YBEY: variants seen among roughly 807,000 people sequenced by gnomAD.
The protein encoded by YBEY is ybeY metalloendoribonuclease, also known as endoribonuclease YbeY.
A neutral mutation model predicts 13.5 loss-of-function variants in YBEY; 15 were observed. The observed-to-expected ratio is 1.11, with a 90% CI of 0.75 to 1.72. YBEY has a LOEUF of 1.72. YBEY is among the 40% of genes most tolerant of loss of function. The pLI, the probability that YBEY is intolerant of heterozygous loss-of-function variation, is 0.00. For missense variants in YBEY, 244 were observed against 208.4 expected (o/e 1.17, Z -1.05); for synonymous variants, 101 against 83.1 (o/e 1.21, Z -1.17).
chr21:46,311,599 T>C, the YBEY span: 1 of 1,379,014 alleles, frequency 7.3e-7, no homozygotes. Flanking sequence ...GCTATCTGCA[T>C]ATGTCCTTGA....
chr21:46,287,169 G>A, intron 2 of YBEY, 46 bp downstream of exon 2: 1 of 1,517,168 alleles, frequency 6.6e-7, no homozygotes, highest in South Asian at 1.2e-5. Flanking sequence ...TCTTCCCAGA[G>A]TAAATTTCCT....
At chr21:46,286,832 C>T in intron 1 of YBEY, 38 bp from the exon 2 acceptor site, 1 of 1,297,050 alleles carries the variant, frequency 7.7e-7, no homozygotes, top group Non-Finnish European at 1.1e-6. Flanking sequence ...CGTATTATCA[C>T]TTGTACTGAT....
the YBEY span, among the ~76,000 whole-genome samples, chr21:46,305,673 C>T: frequency 1.1e-4 from 17 of 152,146 alleles, no homozygotes; most frequent in African/African-American, 4.1e-4. Flanking sequence ...GGCGCGGTGG[C>T]TCACGCCTGT....
intron 3 of YBEY, among the ~76,000 whole-genome samples, chr21:46,294,694 T>A (rs139751504): frequency 6.0e-5 from 9 of 149,868 alleles, no homozygotes; most frequent in South Asian, 2.1e-4. Flanking sequence ...CTCAGTGGAG[T>A]CAGCCACCCC....
downstream of YBEY, chr21:46,301,522 C>T (rs1336809644): frequency 5.1e-6 from 5 of 985,538 alleles, no homozygotes; most frequent in Non-Finnish European, 6.0e-6. Context: ...TGGTATTTTC[C>T]CCATCAGGAT....
chr21:46,308,114 C>T, the YBEY span, among the ~76,000 whole-genome samples: 3 of 151,972 alleles, frequency 2.0e-5, no homozygotes, highest in Admixed American at 6.5e-5. Context: ...CTACCTCAGC[C>T]TCCCGAGCAG....
the YBEY span, among the ~76,000 whole-genome samples, chr21:46,309,844 A>C: frequency 6.6e-6 from 1 of 151,844 alleles, no homozygotes. Flanking sequence ...AAAATACAAA[A>C]AATTAGCAGG....
the YBEY span, among the ~76,000 whole-genome samples, chr21:46,303,705 C>T: frequency 2.7e-5 from 1 of 37,594 alleles, no homozygotes; most frequent in Non-Finnish European, 4.8e-5. Flanking sequence ...CACACACACA[C>T]AAAATATATA....
chr21:46,303,710 T>A, the YBEY span, among the ~76,000 whole-genome samples: 1 of 36,100 alleles, frequency 2.8e-5, no homozygotes, highest in African/African-American at 1.2e-4. Flanking sequence ...ACACACAAAA[T>A]ATATATATAT....
At chr21:46,301,044 A>G (rs999132786), downstream of YBEY, 3 of 1,024,710 alleles carry the variant, frequency 2.9e-6, no homozygotes, top group Non-Finnish European at 3.6e-6. Context: ...TGTGCAAACC[A>G]GCATGTAGAG....
chr21:46,296,001 G>A (rs2081941420), intron 3 of YBEY, among the ~76,000 whole-genome samples, 161 bp from the exon 4 acceptor site: 1 of 152,192 alleles, frequency 6.6e-6, no homozygotes, highest in South Asian at 2.1e-4. Flanking sequence ...TAGATGGAAG[G>A]GAACTGAAGC....
At chr21:46,291,631 A>G (rs2081716630) in intron 3 of YBEY, 169 bp downstream of exon 3, 6 of 1,417,422 alleles carry the variant, frequency 4.2e-6, no homozygotes, top group African/African-American at 1.5e-5. Flanking sequence ...TAGGGACTGC[A>G]TGCCCCATGC....
chr21:46,291,314 T>C lies in YBEY; in HGVS notation c.211-20T>C. The C allele has an allele frequency of 6.2e-7, 1 of 1,613,768 alleles. No individual in the cohort carries two copies. Among genetic ancestry groups the C allele is most frequent in the Non-Finnish European group, 8.5e-7 (1 of 1,179,878 alleles). On this transcript the variant is annotated intron_variant, in intron 2 of 4. Coordinates refer to ENST00000397701, the MANE Select transcript of YBEY (RefSeq NM_001314025.2). ...GGTTACGTTTCCTGTTCTCTAAGTC[T>C]ACATTTCCTCATTTTTTAGCATCTG...
At chr21:46,293,872 C>G (rs1419679770) in intron 3 of YBEY, among the ~76,000 whole-genome samples, 7 of 16,804 alleles carry the variant, frequency 4.2e-4, no homozygotes, top group Admixed American at 1.4e-3. Flanking sequence ...GCCCGGGACT[C>G]AGTGGGGACA....
At chr21:46,310,487 A>T in the YBEY span, among the ~76,000 whole-genome samples, 6 of 148,228 alleles carry the variant, frequency 4.0e-5, no homozygotes, top group Admixed American at 3.3e-4. Flanking sequence ...CAGAACAAAA[A>T]AAATAAAAAT....
At chr21:46,287,421 C>G (rs1000104642) in intron 2 of YBEY, among the ~76,000 whole-genome samples, 1 of 122,274 alleles carries the variant, frequency 8.2e-6, no homozygotes, top group Non-Finnish European at 1.9e-5. Flanking sequence ...CAGGCTGCTC[C>G]TGAACTGATC....
intron 2 of YBEY, among the ~76,000 whole-genome samples, chr21:46,290,584 C>T (rs2081657745): frequency 1.3e-5 from 2 of 152,148 alleles, no homozygotes; most frequent in South Asian, 4.1e-4. Context: ...ACAGGCCCAG[C>T]TGCCACTCTG....
the YBEY span, among the ~76,000 whole-genome samples, chr21:46,309,083 C>G: frequency 3.9e-5 from 6 of 152,308 alleles, no homozygotes; most frequent in South Asian, 1.0e-3. Flanking sequence ...CTTTGGGAGG[C>G]TGAGGTGGGT....
the YBEY span, chr21:46,311,347 G>T: frequency 2.1e-6 from 1 of 484,752 alleles, no homozygotes; most frequent in East Asian, 3.2e-5. Flanking sequence ...TTATTTTCAT[G>T]TTGAACAGCC....
Sources: gnomAD v4.1 joint callset for allele counts (sites outside exome capture counted in the v4.1 genomes callset) on GRCh38, gnomAD v4.1.1 for gene constraint, MANE v1.5 for transcripts, NCBI Gene and HGNC (gene_info 2026-07-23, HGNC 2026-07-21) for gene names.